Variants in LRRTM3 observed in about 807,000 individuals in gnomAD.
LRRTM3 encodes the protein leucine-rich repeat transmembrane neuronal protein 3.
LRRTM3 carries 24 observed loss-of-function variants against 44.7 expected under a neutral mutation model. That is an observed-to-expected ratio of 0.54 (90% CI 0.39 to 0.76). LRRTM3 has a LOEUF of 0.76. Ranked by LOEUF, LRRTM3 falls within the 30% of genes least tolerant of loss-of-function variation. The pLI is 0.00. For synonymous variants in LRRTM3, 277 were observed against 278.7 expected, an observed-to-expected ratio of 0.99 and a Z score of 0.06; for missense variants, 587 against 702.2, an observed-to-expected ratio of 0.84 and a Z score of 1.85.
At chr10:66,995,865 T>G (rs914506054) in intron 2 of LRRTM3, among the ~76,000 whole-genome samples, 1 of 152,242 alleles carries the variant, frequency 6.6e-6, no homozygotes, top group African/African-American at 2.4e-5. Context: ...TACACTTCCA[T>G]CTTTGTTTCA....
chr10:66,951,792 A>G (rs1002864101), intron 2 of LRRTM3, among the ~76,000 whole-genome samples: 5 of 152,202 alleles, frequency 3.3e-5, no homozygotes, highest in African/African-American at 1.2e-4. Context: ...GAAGGGATCT[A>G]GAGGACAGAA....
At chr10:66,956,853 G>A (rs1325614340) in intron 2 of LRRTM3, among the ~76,000 whole-genome samples, 2 of 152,190 alleles carry the variant, frequency 1.3e-5, no homozygotes, top group Non-Finnish European at 2.9e-5. Context: ...TAACCCTTAG[G>A]AGATCTGGCA....
chr10:67,014,059 C>G (rs79464362), intron 2 of LRRTM3, among the ~76,000 whole-genome samples: 2 of 152,088 alleles, frequency 1.3e-5, no homozygotes, highest in Admixed American at 6.6e-5. Context: ...TAAAAAATAA[C>G]CTTTTTTCCC....
intron 2 of LRRTM3, among the ~76,000 whole-genome samples, chr10:66,970,504 G>GGGC (rs1554888638): frequency 1.1e-5 from 1 of 92,944 alleles, no homozygotes; most frequent in Non-Finnish European, 2.4e-5. Context: ...TTCTTGGGTG[G>GGGC]GGGGGGGATA....
intron 2 of LRRTM3, among the ~76,000 whole-genome samples, chr10:67,057,679 T>G (rs558237823): frequency 2.6e-5 from 4 of 152,220 alleles, no homozygotes; most frequent in African/African-American, 9.6e-5. Flanking sequence ...AAGTTGTAAG[T>G]TTGCTGAACT....
At chr10:66,937,038 G>A (rs1046917987) in intron 2 of LRRTM3, among the ~76,000 whole-genome samples, 3 of 152,112 alleles carry the variant, frequency 2.0e-5, no homozygotes, top group Non-Finnish European at 4.4e-5. Flanking sequence ...TTCCAAAGGA[G>A]CCAAGGCAGG....
chr10:67,095,858 A>G (rs1207312049), intron 2 of LRRTM3, among the ~76,000 whole-genome samples: 1 of 151,826 alleles, frequency 6.6e-6, no homozygotes, highest in African/African-American at 2.4e-5. Flanking sequence ...CATGCTGCAC[A>G]TTTACTTTTA....
chr10:66,975,585 C>T (rs750900994), intron 2 of LRRTM3, among the ~76,000 whole-genome samples: 5 of 152,176 alleles, frequency 3.3e-5, no homozygotes, highest in Non-Finnish European at 5.9e-5. Context: ...CTATCCAATT[C>T]TATGAGTCTA....
intron 2 of LRRTM3, among the ~76,000 whole-genome samples, chr10:66,963,281 T>G (rs1317444353): frequency 2.0e-5 from 3 of 152,182 alleles, no homozygotes; most frequent in Non-Finnish European, 2.9e-5. Flanking sequence ...ACTTTTAGCT[T>G]TGAACTCCAC....
At chr10:67,063,282 T>G (rs1388626603) in intron 2 of LRRTM3, among the ~76,000 whole-genome samples, 1 of 152,186 alleles carries the variant, frequency 6.6e-6, no homozygotes, top group African/African-American at 2.4e-5. Context: ...AAAGATGTAT[T>G]AGTTCACATT....
At chr10:67,040,633 T>C (rs1288942481) in intron 2 of LRRTM3, among the ~76,000 whole-genome samples, 2 of 152,064 alleles carry the variant, frequency 1.3e-5, no homozygotes, top group African/African-American at 2.4e-5. Context: ...TTAAACAGTA[T>C]ACAATGGTGA....
At chr10:67,023,327 T>A (rs1180628778) in intron 2 of LRRTM3, among the ~76,000 whole-genome samples, 1 of 152,084 alleles carries the variant, frequency 6.6e-6, no homozygotes, top group Non-Finnish European at 1.5e-5. Context: ...GAATAAGACA[T>A]TCCTCCATGA....
chr10:66,953,836 G>C (rs1264134216), intron 2 of LRRTM3, among the ~76,000 whole-genome samples: 1 of 152,026 alleles, frequency 6.6e-6, no homozygotes, highest in Admixed American at 6.6e-5. Flanking sequence ...AGAGACACTG[G>C]TCAGTTCAAA....
At chr10:67,007,127 G>T (rs1852041530) in intron 2 of LRRTM3, among the ~76,000 whole-genome samples, 1 of 152,068 alleles carries the variant, frequency 6.6e-6, no homozygotes, top group African/African-American at 2.4e-5. Context: ...TTGCTTATTG[G>T]TTCTTCACTG....
chr10:67,021,747 TA>T (rs1390596720), intron 2 of LRRTM3, among the ~76,000 whole-genome samples: 4 of 152,182 alleles, frequency 2.6e-5, no homozygotes, highest in African/African-American at 9.7e-5. Context: ...CTGGACTTCT[TA>T]AAATGTGCAC....
At chr10:66,977,212 G>A (rs1850092200) in intron 2 of LRRTM3, among the ~76,000 whole-genome samples, 1 of 152,120 alleles carries the variant, frequency 6.6e-6, no homozygotes, top group Non-Finnish European at 1.5e-5. Context: ...GCCGAGGCAG[G>A]TGGATCACGA....
chr10:67,067,669 C>T (rs570527263), intron 2 of LRRTM3, among the ~76,000 whole-genome samples: 90 of 152,292 alleles, frequency 5.9e-4, no homozygotes, highest in African/African-American at 1.9e-3. Flanking sequence ...GTATTATTAA[C>T]AAGCTCTTAG....
chr10:67,068,814 C>A (rs886402981), intron 2 of LRRTM3, among the ~76,000 whole-genome samples: 1 of 152,170 alleles, frequency 6.6e-6, no homozygotes, highest in Non-Finnish European at 1.5e-5. Flanking sequence ...AATCCCAGCA[C>A]TTTGGGAGGC....
intron 2 of LRRTM3, among the ~76,000 whole-genome samples, chr10:67,028,648 T>A (rs1477429889): frequency 2.1e-5 from 3 of 142,256 alleles, no homozygotes. Context: ...TAGTTCTACT[T>A]AAAAAAAAAA....
Sources: allele counts gnomAD v4.1 joint callset (sites outside exome capture counted in the v4.1 genomes callset), GRCh38; gene constraint gnomAD v4.1.1; transcripts MANE v1.5; gene names NCBI Gene and HGNC (gene_info 2026-07-23, HGNC 2026-07-21).